RASA1: variants seen among roughly 807,000 people sequenced by gnomAD.
RASA1 encodes RAS p21 protein activator 1.
A neutral mutation model predicts 132.2 loss-of-function variants in RASA1; 25 were observed. The observed-to-expected ratio is 0.19, with a 90% CI of 0.14 to 0.26. The LOEUF is 0.26. RASA1 is among the 10% of genes least tolerant of loss of function. The pLI, the probability that RASA1 is intolerant of heterozygous loss-of-function variation, is 1.00. For synonymous variants in RASA1, 477 were observed against 449.9 expected (o/e 1.06, Z -0.76); for missense variants, 964 against 1,299.2 (o/e 0.74, Z 3.97).
intron 9 of RASA1, among the ~76,000 whole-genome samples, chr5:87,360,961 G>A (rs1253248156): frequency 1.3e-5 from 2 of 152,178 alleles, no homozygotes; most frequent in Non-Finnish European, 2.9e-5. Flanking sequence ...TAAAAAGACA[G>A]CAAAGATGGC....
chr5:87,270,544 C>T (rs575905505), intron 1 of RASA1, among the ~76,000 whole-genome samples: 3 of 149,658 alleles, frequency 2.0e-5, no homozygotes, highest in East Asian at 2.0e-4. Context: ...GACGAAATTT[C>T]GCCATATGGC....
chr5:87,284,066 C>A (rs1754437960), intron 1 of RASA1, among the ~76,000 whole-genome samples: 1 of 152,088 alleles, frequency 6.6e-6, no homozygotes, highest in African/African-American at 2.4e-5. Flanking sequence ...TTTAAATCTT[C>A]TTTCAAGACA....
chr5:87,309,665 A>G (rs145792678), intron 1 of RASA1, among the ~76,000 whole-genome samples: 1 of 152,086 alleles, frequency 6.6e-6, no homozygotes, highest in East Asian at 1.9e-4. Flanking sequence ...CTGCTTTCAT[A>G]TATTTTGTAC....
chr5:87,295,194 C>A (rs1225560791), intron 1 of RASA1, among the ~76,000 whole-genome samples: 1 of 152,036 alleles, frequency 6.6e-6, no homozygotes, highest in Non-Finnish European at 1.5e-5. Flanking sequence ...CGTGGTGTAT[C>A]TTTCTCCATC....
At chr5:87,348,097 TGTCA>T (rs372296706) in intron 7 of RASA1, among the ~76,000 whole-genome samples, 7 of 152,056 alleles carry the variant, frequency 4.6e-5, no homozygotes, top group Middle Eastern at 3.2e-3. Flanking sequence ...CTTGGATTCT[TGTCA>T]GTAAGATTTG....
intron 20 of RASA1, 83 bp downstream of exon 20, chr5:87,380,678 C>A: frequency 8.0e-7 from 1 of 1,254,402 alleles, no homozygotes; most frequent in Non-Finnish European, 1.2e-6. Flanking sequence ...ATATACAATT[C>A]AATGCTTTTT....
chr5:87,373,205 C>G (rs1761073725), intron 13 of RASA1, among the ~76,000 whole-genome samples: 1 of 152,036 alleles, frequency 6.6e-6, no homozygotes, highest in Non-Finnish European at 1.5e-5. Context: ...TCAGCCCTTT[C>G]TATTCATGGG....
At chr5:87,389,856 T>C (rs933376016) in intron 24 of RASA1, among the ~76,000 whole-genome samples, 1 of 152,088 alleles carries the variant, frequency 6.6e-6, no homozygotes, top group South Asian at 2.1e-4. Flanking sequence ...AGTTTCTGTC[T>C]TGTCTTTTCT....
chr5:87,270,421 C>A (rs947664235), intron 1 of RASA1, among the ~76,000 whole-genome samples: 1 of 148,862 alleles, frequency 6.7e-6, no homozygotes, highest in Non-Finnish European at 1.5e-5. Context: ...GATCTCGGCT[C>A]ACTGCAACCT....
chr5:87,328,659 G>C (rs1230613290), intron 1 of RASA1, among the ~76,000 whole-genome samples: 1 of 152,042 alleles, frequency 6.6e-6, no homozygotes, highest in African/African-American at 2.4e-5. Flanking sequence ...CATTTTCTTG[G>C]CTACTGGGGC....
chr5:87,330,803 C>T (rs1232208763), intron 1 of RASA1: 18 of 483,160 alleles, frequency 3.7e-5, no homozygotes, highest in Admixed American at 7.9e-5. Flanking sequence ...AGTAGATTAT[C>T]TTAGAGCCAA....
chr5:87,369,212 CA>C (rs1227606364), intron 11 of RASA1, among the ~76,000 whole-genome samples: 1 of 151,990 alleles, frequency 6.6e-6, no homozygotes, highest in Non-Finnish European at 1.5e-5. Flanking sequence ...AGCACATTTC[CA>C]AAATGATATA....
intron 1 of RASA1, among the ~76,000 whole-genome samples, chr5:87,292,225 TGAG>T (rs561636196): frequency 1.3e-5 from 2 of 152,300 alleles, no homozygotes; most frequent in Non-Finnish European, 2.9e-5. Context: ...CTTTTGTGTC[TGAG>T]AAGGCATCAC....
intron 20 of RASA1, among the ~76,000 whole-genome samples, chr5:87,381,057 G>A (rs1451956582): frequency 1.3e-5 from 2 of 152,106 alleles, no homozygotes; most frequent in African/African-American, 2.4e-5. Flanking sequence ...ACCATAATTA[G>A]GAAGAACTGC....
chr5:87,372,044 A>AG (rs1159718390), intron 12 of RASA1, 74 bp from the exon 13 acceptor site: 1 of 1,432,188 alleles, frequency 7.0e-7, no homozygotes, highest in Non-Finnish European at 9.6e-7. Context: ...AATTTGAAAA[A>AG]AAAAACCTAA....
chr5:87,322,354 C>T (rs1561280232), intron 1 of RASA1, among the ~76,000 whole-genome samples: 2 of 152,148 alleles, frequency 1.3e-5, no homozygotes, highest in Non-Finnish European at 2.9e-5. Flanking sequence ...GTGAACTCCT[C>T]ACGTGAGGGA....
At chr5:87,378,752 T>C (rs570695738) in intron 18 of RASA1, among the ~76,000 whole-genome samples, 5 of 152,298 alleles carry the variant, frequency 3.3e-5, no homozygotes, top group African/African-American at 9.6e-5. Flanking sequence ...AACCATCAAG[T>C]TGCACCAGAA....
At chr5:87,323,072 C>G (rs967405973) in intron 1 of RASA1, among the ~76,000 whole-genome samples, 2 of 152,188 alleles carry the variant, frequency 1.3e-5, no homozygotes, top group East Asian at 1.9e-4. Flanking sequence ...GGGGATTGCT[C>G]TCATAGAGGT....
At chr5:87,361,487 C>T (rs1003873370) in intron 9 of RASA1, among the ~76,000 whole-genome samples, 6 of 151,958 alleles carry the variant, frequency 3.9e-5, no homozygotes, top group Admixed American at 1.3e-4. Context: ...GTAAGATGGA[C>T]TAAAAGTCAT....
Sources: allele counts gnomAD v4.1 joint callset (sites outside exome capture counted in the v4.1 genomes callset), GRCh38; gene constraint gnomAD v4.1.1; transcripts MANE v1.5; gene names NCBI Gene and HGNC (gene_info 2026-07-23, HGNC 2026-07-21).